Variants in MID1 observed in about 807,000 individuals in gnomAD.
MID1 encodes midline 1, also known as E3 ubiquitin-protein ligase Midline-1.
A neutral mutation model predicts 40.4 loss-of-function variants in MID1; 7 were observed. That is an observed-to-expected ratio of 0.17 (90% CI 0.10 to 0.33). MID1 has a LOEUF of 0.33. Among genes scored for constraint, MID1 ranks in the 10% least tolerant of loss-of-function variants. The pLI, the probability that MID1 is intolerant of heterozygous loss-of-function variation, is 1.00. For synonymous variants in MID1, 229 were observed against 221.2 expected (o/e 1.04, Z -0.31); for missense variants, 367 against 558.5 (o/e 0.66, Z 3.46).
At chrX:10,577,626 C>T (rs1569113124) in intron 1 of MID1, among the ~76,000 whole-genome samples, 1 of 103,804 alleles carries the variant, frequency 9.6e-6, no homozygotes, top group East Asian at 2.9e-4. Flanking sequence ...TATGTACACA[C>T]ATATATAAAA....
chrX:10,595,389 G>A (rs1838117171), intron 1 of MID1, among the ~76,000 whole-genome samples: 1 of 111,594 alleles, frequency 9.0e-6, no homozygotes, highest in South Asian at 3.8e-4. Context: ...CCATAAAAAG[G>A]ATGAAATCCT....
At chrX:10,746,710 C>T (rs1337766463) in intron 1 of MID1, among the ~76,000 whole-genome samples, 2 of 110,617 alleles carry the variant, frequency 1.8e-5, no homozygotes, top group African/African-American at 6.6e-5. Flanking sequence ...CTCCACTTGT[C>T]TTATGCCCAG....
chrX:10,633,863 A>T (rs756917590), intron 1 of MID1, among the ~76,000 whole-genome samples: 1 of 111,618 alleles, frequency 9.0e-6, no homozygotes, highest in African/African-American at 3.3e-5. Flanking sequence ...GGTAGATGAA[A>T]AGATTTCCTC....
intron 2 of MID1, among the ~76,000 whole-genome samples, chrX:10,564,930 CA>C (rs1934468494): frequency 1.1e-5 from 1 of 94,815 alleles, no homozygotes; most frequent in African/African-American, 3.9e-5. Context: ...TTTTGGAAAA[CA>C]AAAATCAAAC....
chrX:10,645,035 C>A (rs903047437), intron 1 of MID1, among the ~76,000 whole-genome samples: 29 of 111,651 alleles, frequency 2.6e-4, no homozygotes, highest in African/African-American at 8.8e-4. Context: ...AGCTTTTCTA[C>A]CATAGTGGTA....
At chrX:10,529,463 A>AAATGT (rs1932900819) in intron 2 of MID1, among the ~76,000 whole-genome samples, 1 of 112,406 alleles carries the variant, frequency 8.9e-6, no homozygotes, top group African/African-American at 3.2e-5. Context: ...CATATTTCTA[A>AAATGT]AATGTTGTGC....
At chrX:10,607,441 C>G (rs1267284077) in intron 1 of MID1, among the ~76,000 whole-genome samples, 2 of 111,919 alleles carry the variant, frequency 1.8e-5, no homozygotes, top group Non-Finnish European at 3.8e-5. Context: ...GACAGCCCCA[C>G]AAATAATTAT....
At chrX:10,464,267 AC>A (rs780202347) in intron 7 of MID1, among the ~76,000 whole-genome samples, 1 of 112,190 alleles carries the variant, frequency 8.9e-6, no homozygotes, top group African/African-American at 3.2e-5. Flanking sequence ...TTTATGCATG[AC>A]CTTTTTGCAT....
At chrX:10,613,732 T>TATATAGAGAGAGAG (rs1482081086) in intron 1 of MID1, among the ~76,000 whole-genome samples, 2 of 17,482 alleles carry the variant, frequency 1.1e-4, no homozygotes, top group Non-Finnish European at 2.2e-4. Context: ...TATATATATA[T>TATATAGAGAGAGAG]AGAGAGAGAG....
intron 1 of MID1, among the ~76,000 whole-genome samples, chrX:10,811,495 C>T (rs780351664): frequency 1.5e-4 from 17 of 112,455 alleles, no homozygotes; most frequent in Non-Finnish European, 2.8e-4. Context: ...AGCTGGGATT[C>T]AAACTCAGGT....
chrX:10,488,561 T>C (rs1261619989), intron 4 of MID1, among the ~76,000 whole-genome samples: 1 of 112,005 alleles, frequency 8.9e-6, no homozygotes, highest in East Asian at 2.8e-4. Flanking sequence ...CTAATGATAC[T>C]GAACCATCTT....
chrX:10,448,580 T>C lies in MID1; in HGVS notation c.*788A>G, dbSNP rs1928138707. On this transcript the variant is annotated 3_prime_UTR_variant, in exon 10 of 10. Transcript: ENST00000317552. ...CTGATAAAAGACAAATCAGCCTGAA[T>C]TTTTGAATAATCAATAGGATTCAAA... is the stretch of plus-strand genomic sequence containing the variant. 8.9e-6 allele frequency: 1 copy of C among 112,311 alleles called. No individual in the cohort carries two copies. Among genetic ancestry groups the C allele is most frequent in the African/African-American group, 3.2e-5 (1 of 30,907 alleles). The allele number at this position is 112,311 out of a possible 1,213,427, so 9.3% of individuals were successfully genotyped here.
At chrX:10,580,199 C>G (rs1307845314) in intron 1 of MID1, among the ~76,000 whole-genome samples, 1 of 92,827 alleles carries the variant, frequency 1.1e-5, no homozygotes, top group Non-Finnish European at 2.1e-5. Flanking sequence ...CCCCCCCCCG[C>G]CCCGCCCTTT....
intron 1 of MID1, among the ~76,000 whole-genome samples, chrX:10,787,354 A>T (rs193274169): frequency 0.043 from 4,743 of 109,675 alleles, 234 homozygotes; most frequent in African/African-American, 0.14. Flanking sequence ...TATTTTTTTT[A>T]AATGAATCTA....
chrX:10,592,274 TAAAAAAAAAA>T (rs144661774), intron 1 of MID1, among the ~76,000 whole-genome samples: 25 of 28,233 alleles, frequency 8.9e-4, no homozygotes, highest in African/African-American at 2.7e-3. Flanking sequence ...GGGACTGCGT[TAAAAAAAAAA>T]AAAAAAAAAA....
In MID1 at chrX:10,449,566, C is replaced by A. The variant is rs1928196943; in HGVS notation, c.1806G>T (p.Arg602=). The A allele has an allele frequency of 1.7e-6, 2 of 1,211,755 alleles. No individual in the cohort carries two copies. The highest frequency in any genetic ancestry group is 1.7e-5 in the African/African-American group (1 of 57,766). The change falls in exon 10 of 10, where the codon CGG becomes CGT. Residue 602 remains arginine, a synonymous_variant. Transcript: ENST00000317552. ...EIPIEPAPHL[R]RVGILLDYDN... is the part of the protein sequence containing the mutation. ...CATAGTCCAGCAGGATGCCCACGCG[C>A]CGGAGGTGGGGGGCAGGCTCAATGG...
rs771508944 is a variant in MID1, at chrX:10,642,581, G to A, written c.-186-22162C>T. Among the ~76,000 whole-genome samples, 42 of 110,058 alleles carry A rather than the reference G, an allele frequency of 3.8e-4. 1 individual carries two copies. Among genetic ancestry groups the A allele is most frequent in the East Asian group, 5.6e-4 (2 of 3,553 alleles). On this transcript the variant is annotated intron_variant, in intron 1 of 10. Transcript: ENST00000380785. ...AAGAATCAATATTGTGAAAATGGCC[G>A]TACTACCCAAGGTAATTTATAGATT...
At chrX:10,673,696 G>C (rs1159647221) in intron 1 of MID1, among the ~76,000 whole-genome samples, 1 of 110,581 alleles carries the variant, frequency 9.0e-6, no homozygotes, top group Non-Finnish European at 1.9e-5. Flanking sequence ...GCTGGTAAGA[G>C]AGCAATATAG....
At chrX:10,815,932 C>T (rs2044133223) in intron 1 of MID1, among the ~76,000 whole-genome samples, 3 of 111,644 alleles carry the variant, frequency 2.7e-5, no homozygotes, top group African/African-American at 6.5e-5. Context: ...ACAATCCGTC[C>T]CTACCTTTAA....
Sources: allele counts gnomAD v4.1 joint callset (sites outside exome capture counted in the v4.1 genomes callset), GRCh38; gene constraint gnomAD v4.1.1; transcripts MANE v1.5; gene names NCBI Gene and HGNC (gene_info 2026-07-23, HGNC 2026-07-21).